Variants in PPP1R2 observed in about 807,000 individuals in gnomAD.
PPP1R2 encodes the protein protein phosphatase inhibitor 2.
Under a neutral mutation model 29.9 loss-of-function variants are expected in PPP1R2, and 16 were observed. The ratio of observed to expected loss-of-function variants is 0.53; its 90% CI spans 0.36 to 0.81. The LOEUF (loss-of-function observed/expected upper bound fraction) is 0.81, where lower values mean the gene tolerates loss of function less well. PPP1R2 is among the 30% of genes least tolerant of loss of function. The pLI, the probability that PPP1R2 is intolerant of heterozygous loss-of-function variation, is 0.00. For synonymous variants in PPP1R2, 76 were observed against 91.5 expected, an observed-to-expected ratio of 0.83 and a Z score of 0.96; for missense variants, 197 against 252.7, an observed-to-expected ratio of 0.78 and a Z score of 1.49.
intron 1 of PPP1R2, among the ~76,000 whole-genome samples, chr3:195,537,197 T>C (rs1719421472): frequency 1.2e-5 from 1 of 86,284 alleles, no homozygotes. Flanking sequence ...GTATATGTAG[T>C]ATAAGTTGCT....
At chr3:195,537,989 G>T (rs145746568) in intron 1 of PPP1R2, among the ~76,000 whole-genome samples, 2 of 152,234 alleles carry the variant, frequency 1.3e-5, no homozygotes, top group Non-Finnish European at 2.9e-5. Flanking sequence ...AACATTAGTT[G>T]TGGAATAGCA....
rs1182330454 is a variant in PPP1R2, at chr3:195,543,320, C to G, written c.-295G>C. On this transcript the variant is annotated 5_prime_UTR_variant, in exon 1 of 6. Coordinates refer to ENST00000618156, the MANE Select transcript of PPP1R2 (RefSeq NM_006241.8). ...CTCCAGCGCAGGAGCGACGCGACGC[C>G]GAAGCCAAGCGGACCCGCCCTCTCG... The G allele has an allele frequency of 1.7e-5, 4 of 236,912 alleles. No homozygotes were observed. The highest frequency in any genetic ancestry group is 2.5e-5 in the Non-Finnish European group (3 of 121,584). 14.7% of individuals were successfully genotyped at this position (236,912 alleles called of 1,614,324 possible).
At chr3:195,520,225 G>T (rs984249392) in intron 4 of PPP1R2, among the ~76,000 whole-genome samples, 1 of 152,162 alleles carries the variant, frequency 6.6e-6, no homozygotes, top group Non-Finnish European at 1.5e-5. Flanking sequence ...GGCCAGGTTG[G>T]TCTCCAACTC....
At chr3:195,532,760 C>CT (rs1371545349) in intron 1 of PPP1R2, among the ~76,000 whole-genome samples, 1 of 151,792 alleles carries the variant, frequency 6.6e-6, no homozygotes, top group Non-Finnish European at 1.5e-5. Context: ...TTTGAAGAAA[C>CT]TCAGATAAAC....
chr3:195,543,261 G>A lies in PPP1R2; in HGVS notation c.-236C>T, dbSNP rs959711728. ...CGCGCACCCTTAGCCACTGGCACTT[G>A]ACCCGCGGCTCGCGGAGAGACGCCG... is the stretch of plus-strand genomic sequence containing the variant. On this transcript the variant is annotated 5_prime_UTR_variant, in exon 1 of 6. Coordinates refer to ENST00000618156, the MANE Select transcript of PPP1R2 (RefSeq NM_006241.8). 2.3e-6 allele frequency: 1 copy of A among 425,888 alleles called. No homozygotes were observed. Among genetic ancestry groups the A allele is most frequent in the Non-Finnish European group, 4.0e-6 (1 of 248,070 alleles). The allele number at this position is 425,888 out of a possible 1,614,324, so 26.4% of individuals were successfully genotyped here. A position where few individuals can be genotyped will look rare whatever the true frequency, so the allele number is the denominator to read the frequency against.
chr3:195,520,917 C>T (rs1560432601), intron 4 of PPP1R2, among the ~76,000 whole-genome samples: 1 of 151,910 alleles, frequency 6.6e-6, no homozygotes, highest in African/African-American at 2.4e-5. Context: ...GATCCACCTG[C>T]CTCAGCCTCC....
At chr3:195,526,455 A>G (rs910528456) in intron 2 of PPP1R2, among the ~76,000 whole-genome samples, 1 of 152,186 alleles carries the variant, frequency 6.6e-6, no homozygotes, top group African/African-American at 2.4e-5. Flanking sequence ...AAAACTGAGC[A>G]GTGAACTGAT....
Position 195,515,007 on chromosome 3 carries a change from C to CTA in PPP1R2, c.*1887_*1888dup. 6.6e-6 allele frequency: 1 copy of CTA among 150,566 alleles called. No individual in the cohort carries two copies. The highest frequency in any genetic ancestry group is 1.3e-5 in the Non-Finnish European group (1 of 78,436). The allele number at this position is 150,566 out of a possible 1,614,324, so 9.3% of individuals were successfully genotyped here. A position where few individuals can be genotyped will look rare whatever the true frequency, so the allele number is the denominator to read the frequency against. ...TTTCTTCACTCTATGACAGCTACTT[C>CTA]TACAAAAAAAAAAAAAGAGTATGTG... On this transcript the variant is annotated 3_prime_UTR_variant, in exon 6 of 6. Coordinates refer to ENST00000618156, the MANE Select transcript of PPP1R2 (RefSeq NM_006241.8).
intron 3 of PPP1R2, 24 bp from the exon 4 acceptor site, chr3:195,523,810 A>G (rs1718859829): frequency 6.3e-7 from 1 of 1,578,078 alleles, no homozygotes. Flanking sequence ...ATGTACAAAG[A>G]AATTAACAGT....
chr3:195,526,074 T>G (rs1382718813), intron 2 of PPP1R2, among the ~76,000 whole-genome samples: 1 of 151,256 alleles, frequency 6.6e-6, no homozygotes, highest in Non-Finnish European at 1.5e-5. Flanking sequence ...ACATGATGTT[T>G]CTATAAAAAG....
chr3:195,535,139 A>C (rs2108951863), intron 1 of PPP1R2, among the ~76,000 whole-genome samples: 1 of 152,222 alleles, frequency 6.6e-6, no homozygotes. Flanking sequence ...TTCAGGATGA[A>C]ACTGTTCCAC....
At chr3:195,523,514 T>TA (rs1718845933) in intron 4 of PPP1R2, among the ~76,000 whole-genome samples, 178 bp downstream of exon 4, 1 of 152,092 alleles carries the variant, frequency 6.6e-6, no homozygotes, top group Non-Finnish European at 1.5e-5. Context: ...AAATCAGGGG[T>TA]AAAAAACTAT....
At position 195,539,372 on chromosome 3, in the gene PPP1R2, C is replaced by T. The variant is rs147567154; in HGVS notation, c.122+3532G>A. Among the ~76,000 whole-genome samples the T allele has an allele frequency of 9.9e-3, 1,506 of 152,216 alleles. 14 individuals carry two copies. The highest frequency in any genetic ancestry group is 0.016 in the Admixed American group (250 of 15,276). ...TGGATTCTATCCAGTTTTAATTTAACCCTCAAAAATTGGTATCTGACAAAT... is the reference window on the plus strand; with the variant it reads ...TGGATTCTATCCAGTTTTAATTTAATCCTCAAAAATTGGTATCTGACAAAT... On this transcript the variant is annotated intron_variant, in intron 1 of 5. Coordinates refer to ENST00000618156, the MANE Select transcript of PPP1R2 (RefSeq NM_006241.8).
At chr3:195,537,480 A>ATTTT (rs10593550) in intron 1 of PPP1R2, among the ~76,000 whole-genome samples, 2 of 29,398 alleles carry the variant, frequency 6.8e-5, no homozygotes, top group Non-Finnish European at 1.4e-4. Flanking sequence ...AGGATTAGCT[A>ATTTT]TTGTGTGTGT....
At chr3:195,524,028 C>T (rs944526169) in intron 3 of PPP1R2, among the ~76,000 whole-genome samples, 6 of 150,756 alleles carry the variant, frequency 4.0e-5, no homozygotes, top group Non-Finnish European at 8.8e-5. Flanking sequence ...TTTGAGGTTG[C>T]AATGAGCTTT....
chr3:195,537,452 A>T (rs1719433224), intron 1 of PPP1R2, among the ~76,000 whole-genome samples: 1 of 135,080 alleles, frequency 7.4e-6, no homozygotes, highest in African/African-American at 2.8e-5. Flanking sequence ...GTCCCCAGTA[A>T]ATTACCAAAC....
rs560969394 is a variant in PPP1R2 at position 195,535,934 on chromosome 3, A to T, written c.123-6033T>A. Among the ~76,000 whole-genome samples, 4 of 152,246 alleles carry T rather than the reference A, an allele frequency of 2.6e-5. No individual in the cohort carries two copies. In the South Asian group the frequency reaches 6.2e-4, roughly 24 times the overall value. On this transcript the variant is annotated intron_variant, in intron 1 of 5. Transcript: ENST00000618156. ...TCTCCTTCTATCGCCTTTATCACCCAAGACAGTGAGACCAACCCCTCCTCC... is the reference window on the plus strand; with the variant it reads ...TCTCCTTCTATCGCCTTTATCACCCTAGACAGTGAGACCAACCCCTCCTCC...
At chr3:195,526,211 T>G (rs1352049164) in intron 2 of PPP1R2, among the ~76,000 whole-genome samples, 1 of 151,802 alleles carries the variant, frequency 6.6e-6, no homozygotes, top group East Asian at 1.9e-4. Flanking sequence ...TACTCCCACC[T>G]AAGCCTCTTG....
At position 195,520,974 on chromosome 3, in the gene PPP1R2, TTTC is replaced by T. The variant is rs1374818795; in HGVS notation, c.404-1792_404-1790del. Among the ~76,000 whole-genome samples the T allele has an allele frequency of 2.0e-5, 3 of 152,240 alleles. No homozygotes were observed. The East Asian group carries it at 5.8e-4, about 29-fold the overall frequency. On this transcript the variant is annotated intron_variant, in intron 4 of 5. Coordinates refer to ENST00000618156, the MANE Select transcript of PPP1R2 (RefSeq NM_006241.8). ...GTAAGACACCGCACCTGGCCAGTAC[TTTC>T]TTAATTCCCTAAGCTTTTATCAACA... is the stretch of plus-strand genomic sequence containing the variant.
Sources: gnomAD v4.1 joint callset for allele counts (sites outside exome capture counted in the v4.1 genomes callset) on GRCh38, gnomAD v4.1.1 for gene constraint, MANE v1.5 for transcripts, NCBI Gene and HGNC (gene_info 2026-07-23, HGNC 2026-07-21) for gene names.